MUC3A: variants seen among roughly 807,000 people sequenced by gnomAD.
MUC3A encodes the protein mucin-3A.
In MUC3A, 109 loss-of-function variants were observed where a neutral mutation model predicts 109.0. The ratio of observed to expected loss-of-function variants is 1.00; its 90% confidence interval spans 0.86 to 1.17. MUC3A has a LOEUF of 1.17. MUC3A is among the 50% of genes most tolerant of loss of function. MUC3A has a pLI of 0.00. For missense variants in MUC3A, 3,537 were observed against 2,469.4 expected, an observed-to-expected ratio of 1.43 and a Z score of -9.16; for synonymous variants, 1,398 against 981.4, an observed-to-expected ratio of 1.42 and a Z score of -7.93.
In MUC3A at chr7:100,953,814, G is replaced by C; in HGVS notation, c.2035G>C (p.Val679Leu). ...SSTPVPSTEV[V>L]TSGTINTIPP... ...TACACCTGTCCCAAGCACAGAAGTA[G>C]TCACCAGTGGCACCATAAACACAAT... Residue 679 changes from valine (V) to leucine (L), a missense_variant, in exon 2 of 12, where the codon GTC (valine) becomes CTC (leucine). Transcript: ENST00000379458. 2 of 420,638 alleles carry C rather than the reference G, an allele frequency of 4.8e-6. No homozygotes were observed. Among genetic ancestry groups the C allele is most frequent in the Admixed American group, 4.3e-5 (1 of 23,100 alleles). 26.1% of individuals were successfully genotyped at this position (420,638 alleles called of 1,614,324 possible).
chr7:100,954,792 A>G lies in MUC3A; in HGVS notation c.3013A>G (p.Thr1005Ala), dbSNP rs982553137. The change falls in exon 2 of 12, where the codon ACT becomes GCT. Residue 1005 changes from threonine to alanine, a missense_variant. Coordinates refer to ENST00000379458, the MANE Select transcript of MUC3A (RefSeq NM_005960.2). ...TACAGTATCTCTCACAACAGCCATGACTTCTCCTCCCCCCGTCAGTTCTTC... is the reference window on the plus strand; with the variant it reads ...TACAGTATCTCTCACAACAGCCATGGCTTCTCCTCCCCCCGTCAGTTCTTC... ...ISTVSLTTAM[T>A]SPPPVSSSIT... 6 of 403,986 alleles carry G rather than the reference A, an allele frequency of 1.5e-5. No individual in the cohort carries two copies. The highest frequency in any genetic ancestry group is 2.2e-5 in the Non-Finnish European group (5 of 229,852). 25.0% of individuals were successfully genotyped at this position (403,986 alleles called of 1,614,324 possible).
At position 100,958,903 on chromosome 7, in the gene MUC3A, T is replaced by G; in HGVS notation, c.7124T>G (p.Phe2375Cys). The stretch of plus-strand genomic sequence containing the variant: ...ACCACCTCACACAGTACTCCCAGCT[T>G]CAGTTCTTCAATCACCACCACTGAG... Reference protein sequence around the residue: ...TETTSHSTPSFSSSITTTETP... With the variant: ...TETTSHSTPSCSSSITTTETP... Residue 2375 changes from phenylalanine to cysteine, a missense_variant, in exon 2 of 12, where the codon TTC (phenylalanine) becomes TGC (cysteine). Phe to Cys is a radical substitution (Grantham distance 205). Transcript: ENST00000379458. 1.3e-6 allele frequency: 2 copies of G among 1,591,498 alleles called. No individual in the cohort carries two copies. Among genetic ancestry groups the G allele is most frequent in the African/African-American group, 1.3e-5 (1 of 74,254 alleles).
Position 100,957,935 on chromosome 7 carries a change from A to T in MUC3A, c.6156A>T (p.Thr2052=). The change falls in exon 2 of 12, where the codon ACA becomes ACT. Residue 2052 remains threonine, a synonymous_variant. Coordinates refer to ENST00000379458, the MANE Select transcript of MUC3A (RefSeq NM_005960.2). ...SFTSSITTET[T]SHSTPSFTSL... ...CTTCTTCGATCACCACCGAGACCACATCCCACAGTACTCCCAGCTTCACTT... is the reference window on the plus strand; with the variant it reads ...CTTCTTCGATCACCACCGAGACCACTTCCCACAGTACTCCCAGCTTCACTT... The T allele has an allele frequency of 7.9e-6, 2 of 252,744 alleles. No individual in the cohort carries two copies. Among genetic ancestry groups the T allele is most frequent in the Non-Finnish European group, 1.2e-5 (2 of 160,124 alleles). 15.7% of individuals were successfully genotyped at this position (252,744 alleles called of 1,614,324 possible). A position where few individuals can be genotyped will look rare whatever the true frequency, so the allele number is the denominator to read the frequency against.
At chr7:100,951,414 G>C (rs1040127146) in intron 1 of MUC3A, among the ~76,000 whole-genome samples, 58 of 151,834 alleles carry the variant, frequency 3.8e-4, no homozygotes, top group Non-Finnish European at 6.5e-4. Flanking sequence ...CAGGGTGCCG[G>C]GAGAAGCAGT....
At chr7:100,961,062 C>T (rs1352114015) in intron 3 of MUC3A, 125 bp downstream of exon 3, 10 of 1,545,442 alleles carry the variant, frequency 6.5e-6, no homozygotes, top group Middle Eastern at 1.7e-4. Context: ...CCCTCCCTGC[C>T]ATCTCTCCCA....
Position 100,952,633 on chromosome 7 carries a change from T to C in MUC3A, c.854T>C (p.Leu285Ser), listed in dbSNP as rs914550567. Residue 285 changes from leucine (L) to serine (S), a missense_variant, in exon 2 of 12, where the codon TTG becomes TCG. Physicochemically the swap from Leu to Ser is moderately radical, Grantham distance 145. Coordinates refer to ENST00000379458, the MANE Select transcript of MUC3A (RefSeq NM_005960.2). ...TASQPTATNT[L>S]SSPTRTILSS... ...TCCCAGCCCACAGCCACTAATACAT[T>C]GTCATCACCCACTAGGACCATTTTA... 6.3e-7 allele frequency: 1 copy of C among 1,598,596 alleles called. No homozygotes were observed. The highest frequency in any genetic ancestry group is 8.5e-7 in the Non-Finnish European group (1 of 1,179,814).
In MUC3A at chr7:100,959,687, C is replaced by T; in HGVS notation, c.7908C>T (p.Ser2636=). The stretch of plus-strand genomic sequence containing the variant: ...AGGTTCCTATTCCTAGCACACATTC[C>T]TCCACCCTTCAAACAACTCCTTCTA... ...TSQVPIPSTH[S]STLQTTPSTP... The change falls in exon 2 of 12, where the codon TCC becomes TCT. Residue 2636 remains serine, a synonymous_variant. Coordinates refer to ENST00000379458, the MANE Select transcript of MUC3A (RefSeq NM_005960.2). The T allele has an allele frequency of 6.3e-7, 1 of 1,598,544 alleles. No individual in the cohort carries two copies. Among genetic ancestry groups the T allele is most frequent in the East Asian group, 2.2e-5 (1 of 44,892 alleles).
In MUC3A at chr7:100,959,185, C is replaced by T. The variant is rs79779043; in HGVS notation, c.7406C>T (p.Ala2469Val). ...TCACATTTTACTACCTCAGAGACTG[C>T]GGTGACTCCCACACCTGTAACCCCA... ...ITSHFTTSET[A>V]VTPTPVTPSS... The change falls in exon 2 of 12, where the codon GCG becomes GTG. Residue 2469 changes from alanine (A) to valine (V), a missense_variant. Coordinates refer to ENST00000379458, the MANE Select transcript of MUC3A (RefSeq NM_005960.2). The T allele has an allele frequency of 1.4e-3, 1,591 of 1,176,380 alleles. 18 individuals carry two copies. In the Admixed American group the frequency reaches 0.029, roughly 21 times the overall value. The allele number at this position is 1,176,380 out of a possible 1,614,324, so 72.9% of individuals were successfully genotyped here.
chr7:100,959,495 T>C lies in MUC3A; in HGVS notation c.7716T>C (p.Val2572=), dbSNP rs1295476219. 2 of 1,586,396 alleles carry C rather than the reference T, an allele frequency of 1.3e-6. No individual in the cohort carries two copies. The highest frequency in any genetic ancestry group is 1.7e-5 in the Admixed American group (1 of 58,240). Residue 2572 remains valine (V), a synonymous_variant, in exon 2 of 12, where the codon GTT becomes GTC. Transcript: ENST00000379458. ...GTTCCTTTAGCACAAGTATTGTTGT[T>C]ATACCTGAAACCCCAACACAGACCC... ...PISSFSTSIV[V]IPETPTQTPP...
chr7:100,949,790 G>T (rs1791883335), intron 1 of MUC3A, 105 bp downstream of exon 1: 1 of 1,149,794 alleles, frequency 8.7e-7, no homozygotes, highest in African/African-American at 1.6e-5. Context: ...GGGATAAGAA[G>T]GCACCGCTTG....
intron 11 of MUC3A, 56 bp from the exon 12 acceptor site, chr7:100,967,065 C>T (rs1339815531): frequency 9.6e-5 from 154 of 1,598,300 alleles, no homozygotes; most frequent in Non-Finnish European, 1.3e-4. Context: ...CAGTGACCTC[C>T]CTGTCAGCCC....
In MUC3A at chr7:100,967,691, T is replaced by C; in HGVS notation, c.*529T>C. On this transcript the variant is annotated 3_prime_UTR_variant, in exon 12 of 12. Transcript: ENST00000379458. ...CCTGCCCTCTCCTGATCTAACTCCC[T>C]GCTGCATCTCTTGCTCTCATTCCTT... 4.8e-6 allele frequency: 1 copy of C among 209,820 alleles called. No individual in the cohort carries two copies. Among genetic ancestry groups the C allele is most frequent in the Non-Finnish European group, 9.7e-6 (1 of 103,586 alleles). The allele number at this position is 209,820 out of a possible 1,614,324, so 13.0% of individuals were successfully genotyped here.
Position 100,965,821 on chromosome 7 carries a change from G to C in MUC3A, c.9566G>C (p.Cys3189Ser). The C allele has an allele frequency of 6.3e-7, 1 of 1,597,434 alleles. No homozygotes were observed. The highest frequency in any genetic ancestry group is 8.5e-7 in the Non-Finnish European group (1 of 1,179,032). ...CTSGVDNAID[C>S]HQGQCVLETS... Reference sequence around the variant, plus strand: ...TCGGGGGTGGACAACGCCATCGACTGTCACCAGGGCCAGTGCGTTCTGGAG... The same window carrying C: ...TCGGGGGTGGACAACGCCATCGACTCTCACCAGGGCCAGTGCGTTCTGGAG... The change falls in exon 8 of 12, where the codon TGT becomes TCT. Residue 3189 changes from cysteine (C) to serine (S), a missense_variant. Coordinates refer to ENST00000379458, the MANE Select transcript of MUC3A (RefSeq NM_005960.2).
At chr7:100,964,515 C>T in intron 5 of MUC3A, 180 bp from the exon 6 acceptor site, 1 of 1,014,532 alleles carries the variant, frequency 9.9e-7, no homozygotes, top group Non-Finnish European at 1.4e-6. Flanking sequence ...TCCTGCCTTC[C>T]CAGGCAGACC....
At chr7:100,965,222 CCCTTGACCT>C in intron 6 of MUC3A, 51 bp from the exon 7 acceptor site, 8 of 1,567,080 alleles carry the variant, frequency 5.1e-6, no homozygotes, top group African/African-American at 1.4e-5. Flanking sequence ...TGGCGCTAAC[CCCTTGACCT>C]TAACCCCTTG....
Position 100,954,339 on chromosome 7 carries a change from G to C in MUC3A, c.2560G>C (p.Ala854Pro). 1 of 405,022 alleles carries C rather than the reference G, an allele frequency of 2.5e-6. No individual in the cohort carries two copies. The highest frequency in any genetic ancestry group is 3.6e-5 in the East Asian group (1 of 28,138). 25.1% of individuals were successfully genotyped at this position (405,022 alleles called of 1,614,324 possible). The stretch of plus-strand genomic sequence containing the variant: ...AGTGTACACAGTCTCTAACATGTCT[G>C]CAAGGCCAACAACTGTCATTCCCTC... ...TSVYTVSNMS[A>P]RPTTVIPSSP... is the part of the protein sequence containing the mutation. The change falls in exon 2 of 12, where the codon GCA becomes CCA. Residue 854 changes from alanine (A) to proline (P), a missense_variant. Transcript: ENST00000379458.
In MUC3A at chr7:100,968,282, G is replaced by C. The variant is rs1324615959; in HGVS notation, c.*1120G>C. 6.5e-6 allele frequency: 1 copy of C among 153,040 alleles called. No individual in the cohort carries two copies. Among genetic ancestry groups the C allele is most frequent in the African/African-American group, 2.4e-5 (1 of 41,496 alleles). 9.5% of individuals were successfully genotyped at this position (153,040 alleles called of 1,614,324 possible). On this transcript the variant is annotated 3_prime_UTR_variant, in exon 12 of 12. Coordinates refer to ENST00000379458, the MANE Select transcript of MUC3A (RefSeq NM_005960.2). The stretch of plus-strand genomic sequence containing the variant: ...CGCCTTGGCGGGGAAGATTGGCTTT[G>C]GGGACAGGAAGTCGGCACATCTCCA...
At position 100,952,199 on chromosome 7, in the gene MUC3A, CCCCA is replaced by C; in HGVS notation, c.423_426del (p.Thr142ProfsTer4). On this transcript the variant is annotated frameshift_variant, in exon 2 of 12. Transcript: ENST00000379458. LOFTEE classifies it high-confidence loss of function. ...CGAGCTTTATAATCACCATCTCCCA[CCCCA>C]CCTCCATCTGTGTGACCACGACGCA... is the stretch of plus-strand genomic sequence containing the variant. 1 of 1,598,566 alleles carries C rather than the reference CCCCA, an allele frequency of 6.3e-7. No homozygotes were observed. The highest frequency in any genetic ancestry group is 1.7e-4 in the Middle Eastern group (1 of 6,060).
chr7:100,963,847 T>C (rs1368816537), intron 5 of MUC3A, 95 bp downstream of exon 5: 1 of 1,547,156 alleles, frequency 6.5e-7, no homozygotes, highest in Admixed American at 1.8e-5. Flanking sequence ...TCATCAGATT[T>C]TATAAAGAGG....
Sources: gnomAD v4.1 joint callset for allele counts (sites outside exome capture counted in the v4.1 genomes callset) on GRCh38, gnomAD v4.1.1 for gene constraint, MANE v1.5 for transcripts, NCBI Gene and HGNC (gene_info 2026-07-23, HGNC 2026-07-21) for gene names.